GRIK3: variants seen among roughly 807,000 people sequenced by gnomAD.
The protein encoded by GRIK3 is glutamate receptor ionotropic, kainate 3.
Under a neutral mutation model 102.5 loss-of-function variants are expected in GRIK3, and 29 were observed. The ratio of observed to expected loss-of-function variants is 0.28; its 90% CI spans 0.21 to 0.39. The LOEUF (loss-of-function observed/expected upper bound fraction) is 0.39. GRIK3 is among the 10% of genes least tolerant of loss of function. The pLI is 1.00. For missense variants in GRIK3, 908 were observed against 1,252.4 expected (o/e 0.73, Z 4.15); for synonymous variants, 511 against 504.9 (o/e 1.01, Z -0.16).
At chr1:36,853,856 A>G (rs1486029652) in intron 7 of GRIK3, 134 bp from the exon 8 acceptor site, 4 of 641,348 alleles carry the variant, frequency 6.2e-6, no homozygotes, top group African/African-American at 1.8e-5. Context: ...ATTAATAATC[A>G]CCTCCATCAT....
At chr1:36,840,703 G>A (rs1640437438) in intron 10 of GRIK3, among the ~76,000 whole-genome samples, 1 of 152,108 alleles carries the variant, frequency 6.6e-6, no homozygotes, top group Non-Finnish European at 1.5e-5. Context: ...CTCCACCTTG[G>A]GTGATTCTGT....
intron 10 of GRIK3, among the ~76,000 whole-genome samples, chr1:36,830,810 C>CAAAAAAAAAAA (rs948901521): frequency 2.4e-5 from 1 of 41,354 alleles, no homozygotes; most frequent in Non-Finnish European, 5.1e-5. Flanking sequence ...GACTCTGTCT[C>CAAAAAAAAAAA]AAAAAAAAAA....
At chr1:36,974,186 C>T (rs559277894) in intron 1 of GRIK3, among the ~76,000 whole-genome samples, 1 of 152,326 alleles carries the variant, frequency 6.6e-6, no homozygotes, top group East Asian at 1.9e-4. Flanking sequence ...TACCTGCCCT[C>T]ACGTCCTTAT....
At chr1:36,837,270 C>A (rs1640390849) in intron 10 of GRIK3, among the ~76,000 whole-genome samples, 1 of 152,130 alleles carries the variant, frequency 6.6e-6, no homozygotes, top group Non-Finnish European at 1.5e-5. Flanking sequence ...TACAGGGACC[C>A]CAATCCCAAC....
chr1:36,984,577 G>A (rs558609883), intron 1 of GRIK3, among the ~76,000 whole-genome samples: 92 of 152,364 alleles, frequency 6.0e-4, no homozygotes, highest in African/African-American at 2.1e-3. Flanking sequence ...ACAGCGAGGT[G>A]TCTTTGGGGC....
rs1388679565 is a variant in GRIK3, at chr1:36,799,260, T to C, written c.*2591A>G. 1 of 152,242 alleles carries C rather than the reference T, an allele frequency of 6.6e-6. No homozygotes were observed. The highest frequency in any genetic ancestry group is 1.5e-5 in the Non-Finnish European group (1 of 68,050). The allele number at this position is 152,242 out of a possible 1,614,324, so 9.4% of individuals were successfully genotyped here. The stretch of plus-strand genomic sequence containing the variant: ...TGCCCATGCAACCTTGGAACCTCTC[T>C]GTGACAAATGATCTCTCCCATGACA... On this transcript the variant is annotated 3_prime_UTR_variant, in exon 16 of 16. Coordinates refer to ENST00000373091, the MANE Select transcript of GRIK3 (RefSeq NM_000831.4).
rs572080776 is a variant in GRIK3 at position 36,806,782 on chromosome 1, C to T, written c.2092-456G>A. 5.9e-5 allele frequency among the ~76,000 whole-genome samples: 9 copies of T among 152,258 alleles called. No homozygotes were observed. Among genetic ancestry groups the T allele is most frequent in the African/African-American group, 2.2e-4 (9 of 41,552 alleles). On this transcript the variant is annotated intron_variant, in intron 13 of 15. Transcript: ENST00000373091. The surrounding 1 kb of genome is among the most constrained non-coding windows in gnomAD (Gnocchi z 4.0). The stretch of plus-strand genomic sequence containing the variant: ...CAGCTAAGTCACTTGCCTAAGTTTA[C>T]CCAGGTACTAAGTAGCAAAGCCAGG...
At chr1:36,955,533 G>T (rs1412175510) in intron 1 of GRIK3, among the ~76,000 whole-genome samples, 1 of 151,894 alleles carries the variant, frequency 6.6e-6, no homozygotes, top group South Asian at 2.1e-4. Flanking sequence ...ACATACCCCC[G>T]CCCCCGGAGA....
intron 10 of GRIK3, among the ~76,000 whole-genome samples, chr1:36,836,270 C>A (rs900828841): frequency 6.6e-6 from 1 of 152,232 alleles, no homozygotes; most frequent in South Asian, 2.1e-4. Context: ...GGGGTCATGG[C>A]CTTGACATAA....
At chr1:36,878,030 A>G (rs1160386459) in intron 3 of GRIK3, among the ~76,000 whole-genome samples, 1 of 152,268 alleles carries the variant, frequency 6.6e-6, no homozygotes, top group African/African-American at 2.4e-5. Context: ...ATATTTAATT[A>G]GGGTTTAATT....
intron 7 of GRIK3, among the ~76,000 whole-genome samples, chr1:36,856,928 C>T (rs115724003): frequency 1.3e-5 from 2 of 152,258 alleles, no homozygotes; most frequent in African/African-American, 4.8e-5. Flanking sequence ...ACAGTGATAA[C>T]AGTAGCGATA....
At chr1:36,956,113 G>A (rs578126581) in intron 1 of GRIK3, among the ~76,000 whole-genome samples, 4 of 152,332 alleles carry the variant, frequency 2.6e-5, no homozygotes, top group African/African-American at 4.8e-5. Flanking sequence ...CCTGGGGGAC[G>A]GCAGGCCCTA....
intron 1 of GRIK3, among the ~76,000 whole-genome samples, chr1:37,022,379 G>C (rs1282004990): frequency 1.3e-5 from 2 of 152,190 alleles, no homozygotes; most frequent in African/African-American, 4.8e-5. Context: ...AAGGAGAGAG[G>C]GGTGAGGTCA....
rs552306008 is a variant in GRIK3, at chr1:36,834,715, T to C, written c.1530+7021A>G. Among the ~76,000 whole-genome samples the C allele has an allele frequency of 5.1e-4, 77 of 152,150 alleles. 1 individual carries two copies. In the Middle Eastern group the frequency reaches 0.031, roughly 60 times the overall value. Reference sequence around the variant, plus strand: ...GCGCACTCCAAAGGATGCATCACAATCTCTATCGCCATCTCCAAAAGAATC... The same window carrying C: ...GCGCACTCCAAAGGATGCATCACAACCTCTATCGCCATCTCCAAAAGAATC... On this transcript the variant is annotated intron_variant, in intron 10 of 15. Transcript: ENST00000373091.
intron 1 of GRIK3, among the ~76,000 whole-genome samples, chr1:37,029,963 C>T (rs1165494897): frequency 1.3e-5 from 2 of 152,342 alleles, no homozygotes; most frequent in East Asian, 3.9e-4. Flanking sequence ...CCTGGCTCAC[C>T]TTGCATAAAC....
intron 1 of GRIK3, among the ~76,000 whole-genome samples, chr1:37,004,740 G>A (rs192673316): frequency 2.0e-5 from 3 of 152,366 alleles, no homozygotes; most frequent in South Asian, 2.1e-4. Context: ...CTTAGGCAGG[G>A]TGACAACAAT....
chr1:36,987,465 G>T (rs1293647445), intron 1 of GRIK3, among the ~76,000 whole-genome samples: 1 of 152,204 alleles, frequency 6.6e-6, no homozygotes, highest in South Asian at 2.1e-4. Context: ...TTGCTGAGCA[G>T]ATAATCATCA....
intron 1 of GRIK3, among the ~76,000 whole-genome samples, chr1:37,006,822 G>C (rs1047819387): frequency 2.6e-5 from 4 of 152,230 alleles, no homozygotes; most frequent in East Asian, 1.9e-4. Flanking sequence ...CACCTTAGGA[G>C]GGGGGTACAA....
chr1:36,993,211 T>C (rs986821766), intron 1 of GRIK3, among the ~76,000 whole-genome samples: 3 of 152,160 alleles, frequency 2.0e-5, no homozygotes, highest in Admixed American at 2.0e-4. Context: ...GCACTCCAGC[T>C]GGAGTCAGGA....
Sources: allele counts gnomAD v4.1 joint callset (sites outside exome capture counted in the v4.1 genomes callset), GRCh38; gene constraint gnomAD v4.1.1; non-coding constraint Gnocchi (gnomAD v3.1); transcripts MANE v1.5; gene names NCBI Gene and HGNC (gene_info 2026-07-23, HGNC 2026-07-21).